Variants in CSMD3 observed in about 807,000 individuals in gnomAD.
The protein encoded by CSMD3 is CUB and Sushi multiple domains 3.
A neutral mutation model predicts 435.2 loss-of-function variants in CSMD3; 177 were observed. The observed-to-expected ratio is 0.41, with a 90% confidence interval of 0.36 to 0.46. The LOEUF (loss-of-function observed/expected upper bound fraction) is 0.46, where lower values mean the gene tolerates loss of function less well. CSMD3 is among the 20% of genes least tolerant of loss of function. The pLI is 0.34. For missense variants in CSMD3, 4,265 were observed against 4,504.6 expected (o/e 0.95, Z 1.52); for synonymous variants, 1,656 against 1,520.5 (o/e 1.09, Z -2.07).
At chr8:112,718,508 T>C (rs1014498673) in intron 13 of CSMD3, among the ~76,000 whole-genome samples, 1 of 146,798 alleles carries the variant, frequency 6.8e-6, no homozygotes, top group Non-Finnish European at 1.5e-5. Flanking sequence ...TGTGTGTGTA[T>C]ATATATGTAT....
At chr8:112,963,357 C>G (rs779208301) in intron 7 of CSMD3, among the ~76,000 whole-genome samples, 21 of 151,914 alleles carry the variant, frequency 1.4e-4, no homozygotes, top group Non-Finnish European at 2.7e-4. Flanking sequence ...AATTAGGCAA[C>G]ATTCTATTGT....
intron 1 of CSMD3, among the ~76,000 whole-genome samples, chr8:113,366,948 T>A (rs1306352370): frequency 6.6e-6 from 1 of 152,054 alleles, no homozygotes; most frequent in East Asian, 1.9e-4. Context: ...CAAAATCATA[T>A]TTATTGAAAT....
At chr8:113,165,446 A>G (rs2092131010) in intron 4 of CSMD3, among the ~76,000 whole-genome samples, 1 of 152,192 alleles carries the variant, frequency 6.6e-6, no homozygotes, top group Non-Finnish European at 1.5e-5. Context: ...ACAAGTAAAC[A>G]AAAAACTCCA....
chr8:112,742,270 T>C (rs1008069255), intron 13 of CSMD3, among the ~76,000 whole-genome samples: 17 of 151,982 alleles, frequency 1.1e-4, no homozygotes, highest in Non-Finnish European at 1.3e-4. Context: ...GATTATAATG[T>C]CATAAGCCTA....
chr8:112,772,134 G>C (rs749256731), intron 13 of CSMD3, among the ~76,000 whole-genome samples: 8 of 150,592 alleles, frequency 5.3e-5, no homozygotes, highest in Non-Finnish European at 8.9e-5. Context: ...AAGGTAGAAG[G>C]TTTCAAATGA....
At position 113,208,899 on chromosome 8, in the gene CSMD3, A is replaced by G. The variant is rs1482734635; in HGVS notation, c.515-34983T>C. The stretch of plus-strand genomic sequence containing the variant: ...TTAAATAAATGTAGATATTGAAAAT[A>G]TCAATGAGAGCAAAATATTTTTTCA... On this transcript the variant is annotated intron_variant, in intron 3 of 70. Transcript: ENST00000297405. Among the ~76,000 whole-genome samples the G allele has an allele frequency of 3.3e-5, 5 of 152,288 alleles. No individual in the cohort carries two copies. In the East Asian group the frequency reaches 9.6e-4, roughly 29 times the overall value.
rs528408643 is a variant in CSMD3, at chr8:113,355,025, T to C, written c.179-40232A>G. Among the ~76,000 whole-genome samples the C allele has an allele frequency of 5.3e-5, 8 of 152,314 alleles. No individual in the cohort carries two copies. The East Asian group carries it at 1.2e-3, about 22-fold the overall frequency. ...TTCTCCATCTCAATAAACATCAATATTATTTTCAGCATTTCACAAGCCAAA... is the reference window on the plus strand; with the variant it reads ...TTCTCCATCTCAATAAACATCAATACTATTTTCAGCATTTCACAAGCCAAA... On this transcript the variant is annotated intron_variant, in intron 1 of 70. Transcript: ENST00000297405.
intron 20 of CSMD3, among the ~76,000 whole-genome samples, chr8:112,641,364 T>C (rs1021563862): frequency 2.6e-5 from 4 of 152,182 alleles, no homozygotes; most frequent in African/African-American, 4.8e-5. Context: ...CTAGTCATTA[T>C]AGAATATAAA....
chr8:112,352,577 A>G, intron 38 of CSMD3, 43 bp from the exon 39 acceptor site: 1 of 1,528,814 alleles, frequency 6.5e-7, no homozygotes, highest in Non-Finnish European at 9.0e-7. Context: ...CTTTCAAGTG[A>G]TAAATGCTTA....
chr8:112,429,052 A>G (rs745756630), intron 32 of CSMD3, among the ~76,000 whole-genome samples: 8 of 152,082 alleles, frequency 5.3e-5, no homozygotes, highest in Non-Finnish European at 1.0e-4. Flanking sequence ...TGGTGAGCAC[A>G]TTTTACAACC....
chr8:113,268,001 T>A (rs1005221194), intron 3 of CSMD3, among the ~76,000 whole-genome samples: 1 of 151,688 alleles, frequency 6.6e-6, no homozygotes. Flanking sequence ...TACATATACA[T>A]TCCTCTAAAT....
At chr8:113,426,508 A>G (rs924813857) in intron 1 of CSMD3, among the ~76,000 whole-genome samples, 5 of 151,374 alleles carry the variant, frequency 3.3e-5, no homozygotes, top group African/African-American at 1.2e-4. Flanking sequence ...AAGAAGATTA[A>G]AAAAACAAAA....
intron 6 of CSMD3, among the ~76,000 whole-genome samples, chr8:113,011,196 A>G (rs903677185): frequency 1.3e-5 from 2 of 151,792 alleles, no homozygotes; most frequent in African/African-American, 4.8e-5. Context: ...CTAAAATTAT[A>G]CTTTATTTCT....
intron 5 of CSMD3, among the ~76,000 whole-genome samples, chr8:113,029,998 C>T (rs1164834703): frequency 6.6e-6 from 1 of 151,372 alleles, no homozygotes; most frequent in Non-Finnish European, 1.5e-5. Flanking sequence ...AGTGAAGAAT[C>T]AAATCAAGAA....
At chr8:112,412,581 T>A (rs1811474010) in intron 32 of CSMD3, among the ~76,000 whole-genome samples, 1 of 152,146 alleles carries the variant, frequency 6.6e-6, no homozygotes, top group South Asian at 2.1e-4. Context: ...TTTATCTCTT[T>A]TGTTGAAAAA....
chr8:113,197,706 C>T (rs189570093), intron 3 of CSMD3, among the ~76,000 whole-genome samples: 25 of 151,254 alleles, frequency 1.7e-4, no homozygotes, highest in African/African-American at 4.3e-4. Flanking sequence ...CATTTTAAAA[C>T]GATCTTATAG....
At chr8:112,965,350 T>C (rs2084378212) in intron 7 of CSMD3, among the ~76,000 whole-genome samples, 1 of 151,974 alleles carries the variant, frequency 6.6e-6, no homozygotes, top group African/African-American at 2.4e-5. Flanking sequence ...ATTCAGTACA[T>C]ATTATTATCT....
Position 112,224,817 on chromosome 8 carries a change from G to T in CSMD3, c.11078C>A (p.Ala3693Glu). ...DTNAKSVEGK[A>E]VRFDPNLNTV... ...GTTCAAGTTGGGATCAAATCGTACCGCCTTCCCTTCCACTGACTTTGCGTT... is the reference window on the plus strand; with the variant it reads ...GTTCAAGTTGGGATCAAATCGTACCTCCTTCCCTTCCACTGACTTTGCGTT... Residue 3693 changes from alanine (A) to glutamate (E), a missense_variant, in exon 71 of 71, where the codon GCG becomes GAG. Transcript: ENST00000297405. 1 of 1,613,968 alleles carries T rather than the reference G, an allele frequency of 6.2e-7. No homozygotes were observed. Among genetic ancestry groups the T allele is most frequent in the Non-Finnish European group, 8.5e-7 (1 of 1,179,890 alleles).
chr8:112,700,054 T>C (rs1248458104), intron 13 of CSMD3, among the ~76,000 whole-genome samples: 1 of 152,164 alleles, frequency 6.6e-6, no homozygotes, highest in Non-Finnish European at 1.5e-5. Flanking sequence ...CTGATTTGTA[T>C]GGTTGTTTTG....
Sources: gnomAD v4.1 joint callset for allele counts (sites outside exome capture counted in the v4.1 genomes callset) on GRCh38, gnomAD v4.1.1 for gene constraint, MANE v1.5 for transcripts, NCBI Gene and HGNC (gene_info 2026-07-23, HGNC 2026-07-21) for gene names.